GLDC: variants seen among roughly 807,000 people sequenced by gnomAD.
GLDC encodes the protein glycine decarboxylase, also known as glycine dehydrogenase (decarboxylating), mitochondrial.
Under a neutral mutation model 121.3 loss-of-function variants are expected in GLDC, and 104 were observed. The ratio of observed to expected loss-of-function variants is 0.86; its 90% CI spans 0.73 to 1.01. GLDC has a LOEUF of 1.01. Among genes scored for constraint, GLDC ranks in the 50% least tolerant of loss-of-function variants. The pLI is 0.00. For synonymous variants in GLDC, 546 were observed against 480.6 expected (o/e 1.14, Z -1.78); for missense variants, 1,429 against 1,306.6 (o/e 1.09, Z -1.44).
intron 15 of GLDC, among the ~76,000 whole-genome samples, chr9:6,580,442 T>C (rs1032635518): frequency 1.3e-5 from 2 of 152,168 alleles, no homozygotes; most frequent in African/African-American, 4.8e-5. Flanking sequence ...AGACCCTGCA[T>C]GCCAGAACTT....
At chr9:6,543,514 G>C (rs1817314590) in intron 21 of GLDC, among the ~76,000 whole-genome samples, 1 of 152,164 alleles carries the variant, frequency 6.6e-6, no homozygotes, top group South Asian at 2.1e-4. Context: ...GCCATCTGAA[G>C]AGGTCCCCAC....
chr9:6,554,550 A>C, intron 19 of GLDC, 119 bp downstream of exon 19: 1 of 779,158 alleles, frequency 1.3e-6, no homozygotes, highest in Non-Finnish European at 2.2e-6. Context: ...CTACAAGTGC[A>C]CTACACCGAT....
At chr9:6,558,459 A>G in intron 17 of GLDC, 100 bp downstream of exon 17, 1 of 1,355,590 alleles carries the variant, frequency 7.4e-7, no homozygotes, top group Non-Finnish European at 1.1e-6. Flanking sequence ...ACTTTTCATT[A>G]GAATGCAAGA....
chr9:6,636,653 G>A (rs963122984), intron 2 of GLDC, among the ~76,000 whole-genome samples: 2 of 152,078 alleles, frequency 1.3e-5, no homozygotes, highest in African/African-American at 2.4e-5. Flanking sequence ...GCATGCGCCT[G>A]TAGTCCCAGC....
intron 3 of GLDC, among the ~76,000 whole-genome samples, chr9:6,612,218 C>T (rs1252940460): frequency 2.0e-5 from 3 of 149,668 alleles, no homozygotes; most frequent in African/African-American, 5.0e-5. Flanking sequence ...CAAACACACA[C>T]TCTCTCACAC....
At chr9:6,567,393 G>T (rs532819226) in intron 15 of GLDC, 14 of 152,280 alleles carry the variant, frequency 9.2e-5, no homozygotes, top group African/African-American at 3.4e-4. Flanking sequence ...TCATCTCCCT[G>T]TGCCTATGTG....
At chr9:6,606,933 C>T (rs991167291) in intron 4 of GLDC, among the ~76,000 whole-genome samples, 1 of 151,950 alleles carries the variant, frequency 6.6e-6, no homozygotes, top group Non-Finnish European at 1.5e-5. Context: ...TTAGCCGGTG[C>T]ATGCCTGTAA....
chr9:6,581,332 C>G (rs183097245), intron 15 of GLDC, among the ~76,000 whole-genome samples: 1 of 152,346 alleles, frequency 6.6e-6, no homozygotes, highest in East Asian at 1.9e-4. Flanking sequence ...AACCTGGTCA[C>G]TAATACAACC....
chr9:6,577,140 C>G (rs768468086), intron 15 of GLDC, among the ~76,000 whole-genome samples: 1 of 152,246 alleles, frequency 6.6e-6, no homozygotes, highest in Non-Finnish European at 1.5e-5. Flanking sequence ...AAAGGCACAG[C>G]AGCAAGGATG....
chr9:6,607,899 G>T (rs1401236634), intron 4 of GLDC, among the ~76,000 whole-genome samples: 2 of 151,896 alleles, frequency 1.3e-5, no homozygotes, highest in Non-Finnish European at 2.9e-5. Flanking sequence ...GAGGTGGGTG[G>T]ATTGCTCGAG....
intron 15 of GLDC, among the ~76,000 whole-genome samples, chr9:6,577,093 A>G (rs1000611873): frequency 6.6e-6 from 1 of 152,216 alleles, no homozygotes; most frequent in African/African-American, 2.4e-5. Context: ...TTCTGTGCGC[A>G]TAACACAGAA....
At chr9:6,571,585 C>G (rs996530313) in intron 15 of GLDC, among the ~76,000 whole-genome samples, 1 of 152,116 alleles carries the variant, frequency 6.6e-6, no homozygotes, top group African/African-American at 2.4e-5. Context: ...AAGGCAGCTA[C>G]TAAGTGACTG....
chr9:6,623,087 G>A (rs1477336257), intron 2 of GLDC: 2 of 182,346 alleles, frequency 1.1e-5, no homozygotes, highest in Non-Finnish European at 2.1e-5. Flanking sequence ...GAGCCCCTCT[G>A]TCCCGCCACC....
At chr9:6,598,399 A>T (rs1263771896) in intron 8 of GLDC, among the ~76,000 whole-genome samples, 1 of 152,184 alleles carries the variant, frequency 6.6e-6, no homozygotes. Flanking sequence ...CTATAGAAAA[A>T]TTTATTTAAA....
chr9:6,632,744 G>T (rs941888825), intron 2 of GLDC, among the ~76,000 whole-genome samples: 4 of 152,286 alleles, frequency 2.6e-5, no homozygotes, highest in Admixed American at 6.5e-5. Flanking sequence ...GGCAGAATGT[G>T]GGTGGGGCTG....
chr9:6,600,206 A>AT (rs1466817391), intron 8 of GLDC, among the ~76,000 whole-genome samples: 2 of 151,956 alleles, frequency 1.3e-5, no homozygotes, highest in African/African-American at 4.8e-5. Flanking sequence ...TCTACAAAAC[A>AT]TTTTTTTGAA....
chr9:6,572,654 T>C (rs889191592), intron 15 of GLDC, among the ~76,000 whole-genome samples: 1 of 152,234 alleles, frequency 6.6e-6, no homozygotes, highest in Non-Finnish European at 1.5e-5. Context: ...CAGTTCCATA[T>C]TTCCCACAGT....
At chr9:6,642,526 A>G (rs1363921364) in intron 2 of GLDC, among the ~76,000 whole-genome samples, 3 of 152,156 alleles carry the variant, frequency 2.0e-5, no homozygotes, top group African/African-American at 7.2e-5. Context: ...ACAAGAATCC[A>G]TTTCAAAAAT....
intron 3 of GLDC, 63 bp downstream of exon 3, chr9:6,620,121 T>C (rs111758504): frequency 3.9e-6 from 6 of 1,524,544 alleles, no homozygotes; most frequent in East Asian, 4.5e-5. Flanking sequence ...AGGGGACAGA[T>C]GGAGGATGGA....
Sources: gnomAD v4.1 joint callset for allele counts (sites outside exome capture counted in the v4.1 genomes callset) on GRCh38, gnomAD v4.1.1 for gene constraint, MANE v1.5 for transcripts, NCBI Gene and HGNC (gene_info 2026-07-23, HGNC 2026-07-21) for gene names.